The following NCKAP5 variants were observed in gnomAD, a reference collection of about 807,000 sequenced individuals.
NCKAP5 encodes the protein NCK associated protein 5, also known as nck-associated protein 5.
NCKAP5 carries 92 observed loss-of-function variants against 167.0 expected under a neutral mutation model. The ratio of observed to expected loss-of-function variants is 0.55; its 90% CI spans 0.47 to 0.66. The LOEUF (loss-of-function observed/expected upper bound fraction) is 0.66, where lower values mean the gene tolerates loss of function less well. Ranked by LOEUF, NCKAP5 falls within the 30% of genes least tolerant of loss-of-function variation. The pLI is 0.00. For synonymous variants in NCKAP5, 891 were observed against 877.4 expected (o/e 1.02, Z -0.27); for missense variants, 2,378 against 2,315.0 (o/e 1.03, Z -0.56).
chr2:133,456,625 ACTC>A (rs1691879530), intron 3 of NCKAP5, among the ~76,000 whole-genome samples: 1 of 152,172 alleles, frequency 6.6e-6, no homozygotes, highest in African/African-American at 2.4e-5. Flanking sequence ...GGTGTACACA[ACTC>A]CTAGTTGATG....
At chr2:133,074,393 T>C (rs2080524192) in intron 6 of NCKAP5, among the ~76,000 whole-genome samples, 1 of 152,104 alleles carries the variant, frequency 6.6e-6, no homozygotes, top group African/African-American at 2.4e-5. Flanking sequence ...AGGGTCTCAC[T>C]CTGTCACCCA....
chr2:133,086,208 T>C (rs984699344), intron 6 of NCKAP5, among the ~76,000 whole-genome samples: 9 of 152,230 alleles, frequency 5.9e-5, no homozygotes, highest in Non-Finnish European at 1.2e-4. Context: ...ACCCGTGCTC[T>C]GGGAATACAG....
the NCKAP5 span, among the ~76,000 whole-genome samples, chr2:133,579,256 C>T: frequency 2.0e-5 from 3 of 152,290 alleles, no homozygotes; most frequent in Non-Finnish European, 4.4e-5. Context: ...GGGTTTTAAA[C>T]TCTAGCAACT....
chr2:133,368,003 T>C (rs1685561688), intron 3 of NCKAP5, among the ~76,000 whole-genome samples: 1 of 152,058 alleles, frequency 6.6e-6, no homozygotes, highest in South Asian at 2.1e-4. Flanking sequence ...CCCCCAGAAC[T>C]GAAGTCAGAC....
At chr2:133,407,006 G>C (rs1164812316) in intron 3 of NCKAP5, among the ~76,000 whole-genome samples, 2 of 152,184 alleles carry the variant, frequency 1.3e-5, no homozygotes, top group Non-Finnish European at 1.5e-5. Flanking sequence ...TTGTGTCTCA[G>C]CTCTAGCATG....
chr2:133,130,049 C>A lies in NCKAP5; in HGVS notation c.270G>T (p.Arg90=). The change falls in exon 6 of 20, where the codon CGG becomes CGT. Residue 90 remains arginine, a synonymous_variant. Coordinates refer to ENST00000409261, the MANE Select transcript of NCKAP5 (RefSeq NM_207363.3). ...ERHLRLQSEK[R]LQEVTLESER... is the part of the protein sequence containing the mutation. Reference sequence around the variant, plus strand: ...CAGACTCTAGGGTCACCTCCTGCAACCGCTTCTCGCTTTGAAGACGTAAGT... The same window carrying A: ...CAGACTCTAGGGTCACCTCCTGCAAACGCTTCTCGCTTTGAAGACGTAAGT... The A allele has an allele frequency of 6.2e-7, 1 of 1,611,998 alleles. No individual in the cohort carries two copies. The highest frequency in any genetic ancestry group is 8.5e-7 in the Non-Finnish European group (1 of 1,179,184).
At position 132,784,020 on chromosome 2, in the gene NCKAP5, G is replaced by T. The variant is rs539140310; in HGVS notation, c.2791C>A (p.Pro931Thr). The stretch of plus-strand genomic sequence containing the variant: ...AGGGAGACGGACCTGCCTGGAGGGG[G>T]CGGAGGGGAAGGGGATTTCACCCCT... ...EAGVKSPSPPPPPGRSVSLLA... is the reference protein window; with the variant it reads ...EAGVKSPSPPTPPGRSVSLLA... The change falls in exon 14 of 20, where the codon CCC becomes ACC. Residue 931 changes from proline to threonine, a missense_variant. By Grantham distance (38) the Pro-to-Thr change is conservative (BLOSUM62 -1). Transcript: ENST00000409261. 4 of 1,567,216 alleles carry T rather than the reference G, an allele frequency of 2.6e-6. No homozygotes were observed. In the South Asian group the frequency reaches 4.8e-5, roughly 19 times the overall value.
intron 8 of NCKAP5, among the ~76,000 whole-genome samples, chr2:132,928,861 C>T (rs1558953176): frequency 6.6e-6 from 1 of 152,042 alleles, no homozygotes; most frequent in African/African-American, 2.4e-5. Flanking sequence ...TGGCTCATGC[C>T]TGTAATCCCA....
intron 6 of NCKAP5, among the ~76,000 whole-genome samples, chr2:133,059,944 A>G (rs2079940395): frequency 6.6e-6 from 1 of 152,082 alleles, no homozygotes; most frequent in Non-Finnish European, 1.5e-5. Flanking sequence ...GAAAAAAAAA[A>G]ATGAGGGAGG....
intron 19 of NCKAP5, among the ~76,000 whole-genome samples, chr2:132,682,887 C>CTT (rs201009406): frequency 5.6e-5 from 8 of 141,608 alleles, no homozygotes; most frequent in Non-Finnish European, 9.3e-5. Context: ...TTTCTTTTTA[C>CTT]TTTTTTTTTT....
intron 2 of NCKAP5, among the ~76,000 whole-genome samples, chr2:133,542,310 T>A (rs1686291658): frequency 6.6e-6 from 1 of 151,956 alleles, no homozygotes; most frequent in Non-Finnish European, 1.5e-5. Context: ...CACAGTACCA[T>A]ATTTGAGGAC....
intron 19 of NCKAP5, among the ~76,000 whole-genome samples, chr2:132,674,843 A>G (rs1316784964): frequency 6.6e-6 from 1 of 152,176 alleles, no homozygotes; most frequent in Non-Finnish European, 1.5e-5. Flanking sequence ...GTGCAGAAAC[A>G]TTACTCACAG....
At chr2:132,928,973 A>G (rs1696145060) in intron 8 of NCKAP5, among the ~76,000 whole-genome samples, 1 of 138,892 alleles carries the variant, frequency 7.2e-6, no homozygotes, top group Admixed American at 6.9e-5. Flanking sequence ...ACAAAACAAA[A>G]CAAAACAAAA....
intron 3 of NCKAP5, among the ~76,000 whole-genome samples, chr2:133,442,841 G>T (rs980469370): frequency 6.6e-6 from 1 of 152,220 alleles, no homozygotes; most frequent in African/African-American, 2.4e-5. Flanking sequence ...AGATGGCAAG[G>T]CCTGCTGCCC....
chr2:132,778,663 T>C (rs1041688855), intron 15 of NCKAP5, among the ~76,000 whole-genome samples: 1 of 152,296 alleles, frequency 6.6e-6, no homozygotes, highest in Middle Eastern at 3.4e-3. Context: ...AAAACAATTC[T>C]TTGCAACACA....
At chr2:132,763,252 G>A (rs904850808) in intron 16 of NCKAP5, among the ~76,000 whole-genome samples, 2 of 152,062 alleles carry the variant, frequency 1.3e-5, no homozygotes, top group East Asian at 1.9e-4. Context: ...ATCTAAGCTC[G>A]GCTTTCAAGG....
At chr2:132,801,479 G>T (rs952095072) in intron 11 of NCKAP5, among the ~76,000 whole-genome samples, 13 of 152,178 alleles carry the variant, frequency 8.5e-5, no homozygotes, top group Admixed American at 3.9e-4. Flanking sequence ...ATATGTAGTG[G>T]CTATGTCAAC....
At chr2:133,381,128 T>C in intron 3 of NCKAP5, among the ~76,000 whole-genome samples, 1 of 152,144 alleles carries the variant, frequency 6.6e-6, no homozygotes, top group Non-Finnish European at 1.5e-5. Context: ...AGATAGTGCT[T>C]ACACATTGGC....
intron 3 of NCKAP5, among the ~76,000 whole-genome samples, chr2:133,488,724 C>T (rs1246350956): frequency 2.0e-5 from 3 of 151,850 alleles, no homozygotes; most frequent in Non-Finnish European, 4.4e-5. Flanking sequence ...GAGATCAAGA[C>T]GGCCAACACG....
Sources: allele counts gnomAD v4.1 joint callset (sites outside exome capture counted in the v4.1 genomes callset), GRCh38; gene constraint gnomAD v4.1.1; transcripts MANE v1.5; gene names NCBI Gene and HGNC (gene_info 2026-07-23, HGNC 2026-07-21).